ESRRB: variants seen among roughly 807,000 people sequenced by gnomAD.
The protein encoded by ESRRB is steroid hormone receptor ERR2.
A neutral mutation model predicts 46.0 loss-of-function variants in ESRRB; 16 were observed. The ratio of observed to expected loss-of-function variants is 0.35; its 90% CI spans 0.24 to 0.53. ESRRB has a LOEUF of 0.53. Among genes scored for constraint, ESRRB ranks in the 20% least tolerant of loss-of-function variants. The pLI is 0.93. For missense variants in ESRRB, 488 were observed against 607.4 expected (o/e 0.80, Z 2.07); for synonymous variants, 246 against 259.6 (o/e 0.95, Z 0.50).
chr14:76,419,151 A>T (rs1037791866), intron 1 of ESRRB, among the ~76,000 whole-genome samples: 2 of 151,546 alleles, frequency 1.3e-5, no homozygotes, highest in African/African-American at 4.9e-5. Context: ...AGTAGCTGGG[A>T]CTATGGGCAT....
intron 1 of ESRRB, among the ~76,000 whole-genome samples, chr14:76,383,619 C>T (rs2139805267): frequency 6.6e-6 from 1 of 152,198 alleles, no homozygotes; most frequent in East Asian, 1.9e-4. Context: ...TTGCCCTTGT[C>T]CTTTTGTCCC....
intron 1 of ESRRB, among the ~76,000 whole-genome samples, chr14:76,403,319 A>T (rs1886020907): frequency 1.3e-5 from 2 of 151,834 alleles, no homozygotes; most frequent in African/African-American, 2.4e-5. Context: ...GCCCTTAACC[A>T]CTCTACCCTG....
At chr14:76,384,611 G>A (rs1885144772) in intron 1 of ESRRB, among the ~76,000 whole-genome samples, 1 of 152,176 alleles carries the variant, frequency 6.6e-6, no homozygotes, top group African/African-American at 2.4e-5. Context: ...TTTCTTGTAA[G>A]TGATGCTGTG....
At chr14:76,422,873 G>T (rs567536484) in intron 1 of ESRRB, among the ~76,000 whole-genome samples, 1 of 152,306 alleles carries the variant, frequency 6.6e-6, no homozygotes, top group East Asian at 1.9e-4. Context: ...CAAGGGCAGG[G>T]GGCCGTGAAA....
intron 1 of ESRRB, among the ~76,000 whole-genome samples, chr14:76,335,863 C>T (rs1468290604): frequency 2.0e-5 from 3 of 152,144 alleles, no homozygotes; most frequent in Non-Finnish European, 2.9e-5. Context: ...ATGATGCGCC[C>T]GGTGCTAAGC....
At chr14:76,484,237 C>T (rs1347796293) in intron 5 of ESRRB, among the ~76,000 whole-genome samples, 1 of 152,244 alleles carries the variant, frequency 6.6e-6, no homozygotes, top group Non-Finnish European at 1.5e-5. Context: ...AAGGAGCCTT[C>T]CTGTGGACAG....
chr14:76,500,814 C>G lies in ESRRB; in HGVS notation c.*2356C>G. On this transcript the variant is annotated 3_prime_UTR_variant, in exon 7 of 7. Coordinates refer to ENST00000644823, the MANE Select transcript of ESRRB (RefSeq NM_001379180.1). The stretch of plus-strand genomic sequence containing the variant: ...TGCGAGTGACCTCACTTCAGAGCCC[C>G]TCTAGCAGAGTGGGGCGGAAGTCCT... 1.4e-6 allele frequency: 2 copies of G among 1,425,668 alleles called. No homozygotes were observed. The highest frequency in any genetic ancestry group is 2.3e-5 in the South Asian group (2 of 87,386). 88.3% of individuals were successfully genotyped at this position (1,425,668 alleles called of 1,614,324 possible).
intron 1 of ESRRB, among the ~76,000 whole-genome samples, chr14:76,381,201 C>A (rs1885000176): frequency 6.6e-6 from 1 of 152,088 alleles, no homozygotes; most frequent in Non-Finnish European, 1.5e-5. Context: ...TTCGTCCCTG[C>A]GCGGGGAGGT....
chr14:76,331,593 A>G (rs1464365580), intron 1 of ESRRB, among the ~76,000 whole-genome samples: 1 of 152,132 alleles, frequency 6.6e-6, no homozygotes, highest in Non-Finnish European at 1.5e-5. Context: ...AAGGCCGAAT[A>G]TGGACTATCT....
At position 76,392,282 on chromosome 14, in the gene ESRRB, G is replaced by A. The variant is rs528793518; in HGVS notation, c.50+15831G>A. ...AGCCCTGGCAGGCAGGGGCATATCC[G>A]AGAAACAGTGTCACAGGGTTCCTGG... On this transcript the variant is annotated intron_variant, in intron 1 of 6. Transcript: ENST00000644823. Among the ~76,000 whole-genome samples, 142 of 152,314 alleles carry A rather than the reference G, an allele frequency of 9.3e-4. 1 individual carries two copies. The highest frequency in any genetic ancestry group is 3.3e-3 in the African/African-American group (139 of 41,552).
intron 3 of ESRRB, among the ~76,000 whole-genome samples, chr14:76,469,627 A>T (rs561859288): frequency 6.6e-6 from 1 of 152,332 alleles, no homozygotes; most frequent in Non-Finnish European, 1.5e-5. Flanking sequence ...AACCCACCTT[A>T]GCCCCTCAAA....
chr14:76,462,351 A>G lies in ESRRB; in HGVS notation c.461-194A>G, dbSNP rs548689435. Among the ~76,000 whole-genome samples, 268 of 152,350 alleles carry G rather than the reference A, an allele frequency of 1.8e-3. 2 individuals are homozygous for G. The highest frequency in any genetic ancestry group is 6.2e-3 in the African/African-American group (257 of 41,582). On this transcript the variant is annotated intron_variant, in intron 2 of 6. Coordinates refer to ENST00000644823, the MANE Select transcript of ESRRB (RefSeq NM_001379180.1). ...CCCCAAGTAGCTGCCTGGTCCACCCAGACCTGCCACCTGGAGTCTCCATAT... is the reference window on the plus strand; with the variant it reads ...CCCCAAGTAGCTGCCTGGTCCACCCGGACCTGCCACCTGGAGTCTCCATAT...
chr14:76,327,616 G>A (rs1174316446), intron 1 of ESRRB, among the ~76,000 whole-genome samples: 1 of 152,124 alleles, frequency 6.6e-6, no homozygotes, highest in African/African-American at 2.4e-5. Flanking sequence ...TGGGCCCTGG[G>A]GAGTTAAATG....
chr14:76,462,815 G>A (rs79131077), intron 3 of ESRRB, among the ~76,000 whole-genome samples, 154 bp downstream of exon 3: 61 of 152,230 alleles, frequency 4.0e-4, no homozygotes, highest in African/African-American at 7.9e-4. Flanking sequence ...AGCCTGCCAC[G>A]GCGCCCGCAT....
intron 1 of ESRRB, among the ~76,000 whole-genome samples, chr14:76,393,818 T>G (rs527310217): frequency 1.8e-4 from 27 of 152,302 alleles, no homozygotes; most frequent in African/African-American, 6.0e-4. Context: ...TTCTTTTTTT[T>G]GAGACAGAGT....
chr14:76,369,111 C>T (rs1332062991), upstream of ESRRB, among the ~76,000 whole-genome samples: 2 of 150,544 alleles, frequency 1.3e-5, no homozygotes, highest in Non-Finnish European at 3.0e-5. Flanking sequence ...GCAGGAGAAT[C>T]GCTTGAACCA....
intron 1 of ESRRB, among the ~76,000 whole-genome samples, chr14:76,417,471 C>T (rs1886754500): frequency 6.6e-6 from 1 of 152,138 alleles, no homozygotes; most frequent in Non-Finnish European, 1.5e-5. Context: ...TCTTCTAGTT[C>T]CCATTATTCC....
At chr14:76,339,814 C>T (rs967377418) in intron 1 of ESRRB, among the ~76,000 whole-genome samples, 13 of 152,176 alleles carry the variant, frequency 8.5e-5, no homozygotes, top group African/African-American at 1.9e-4. Context: ...GGCTATGCCG[C>T]GTGCCCCGTC....
intron 1 of ESRRB, among the ~76,000 whole-genome samples, chr14:76,381,501 C>T (rs1398725051): frequency 6.6e-6 from 1 of 152,152 alleles, no homozygotes; most frequent in Non-Finnish European, 1.5e-5. Context: ...TGACCTTTGC[C>T]TCTTGAGACA....
Sources: allele counts gnomAD v4.1 joint callset (sites outside exome capture counted in the v4.1 genomes callset), GRCh38; gene constraint gnomAD v4.1.1; transcripts MANE v1.5; gene names NCBI Gene and HGNC (gene_info 2026-07-23, HGNC 2026-07-21).